The following RBL1 variants were observed in gnomAD, a reference collection of about 807,000 sequenced individuals.
The protein encoded by RBL1 is retinoblastoma-like protein 1.
In RBL1, 82 loss-of-function variants were observed where a neutral mutation model predicts 123.0. That is an observed-to-expected ratio of 0.67 (90% CI 0.56 to 0.80). The LOEUF (loss-of-function observed/expected upper bound fraction) is 0.80, where lower values mean the gene tolerates loss of function less well. Among genes scored for constraint, RBL1 ranks in the 30% least tolerant of loss-of-function variants. The pLI is 0.00. For synonymous variants in RBL1, 405 were observed against 441.3 expected, an observed-to-expected ratio of 0.92 and a Z score of 1.03; for missense variants, 1,171 against 1,299.6, an observed-to-expected ratio of 0.90 and a Z score of 1.52.
chr20:37,006,838 CA>C lies in RBL1; in HGVS notation c.2871+572del, dbSNP rs199689934. 3.9e-3 allele frequency among the ~76,000 whole-genome samples: 283 copies of C among 71,690 alleles called. 1 individual carries two copies. Among genetic ancestry groups the C allele is most frequent in the Middle Eastern group, 0.038 (5 of 130 alleles). The allele number at this position is 71,690 out of a possible 152,430, so 47.0% of individuals were successfully genotyped here. A position where few individuals can be genotyped will look rare whatever the true frequency, so the allele number is the denominator to read the frequency against. ...CCTGGGTGACAGGGTGAGACTGTCTCAAAAAAAAAAAAAAAAAGAAAACAAA... is the reference window on the plus strand; with the variant it reads ...CCTGGGTGACAGGGTGAGACTGTCTCAAAAAAAAAAAAAAAAGAAAACAAA... On this transcript the variant is annotated intron_variant, in intron 20 of 21. Transcript: ENST00000373664.
chr20:37,049,493 A>T, intron 11 of RBL1: 1 of 755,478 alleles, frequency 1.3e-6, no homozygotes, highest in Non-Finnish European at 2.4e-6. Flanking sequence ...AAGAAGTCTT[A>T]CACCACTCCC....
At chr20:37,010,389 T>C (rs988963162) in intron 19 of RBL1, among the ~76,000 whole-genome samples, 4 of 152,228 alleles carry the variant, frequency 2.6e-5, no homozygotes, top group African/African-American at 7.2e-5. Flanking sequence ...CTGTATTAAA[T>C]ATTATATATA....
At chr20:36,999,077 T>G in intron 21 of RBL1, 148 bp from the exon 22 acceptor site, 1 of 715,960 alleles carries the variant, frequency 1.4e-6, no homozygotes. Context: ...TAGAACAACC[T>G]AATAAGGGAT....
At position 36,999,552 on chromosome 20, in the gene RBL1, G is replaced by T. The variant is rs547178155; in HGVS notation, c.3037-623C>A. On this transcript the variant is annotated intron_variant, in intron 21 of 21. Coordinates refer to ENST00000373664, the MANE Select transcript of RBL1 (RefSeq NM_002895.5). ...TCCCCCTGATGCCGAGCCAAAGCTG[G>T]ACTGTACTGCTGCCATCTCGGCTCA... Among the ~76,000 whole-genome samples the T allele has an allele frequency of 3.1e-3, 467 of 150,716 alleles. 5 individuals are homozygous for T. Among genetic ancestry groups the T allele is most frequent in the African/African-American group, 0.011 (455 of 40,638 alleles).
intron 1 of RBL1, among the ~76,000 whole-genome samples, chr20:37,095,410 T>C (rs1432518949): frequency 6.6e-6 from 1 of 152,220 alleles, no homozygotes; most frequent in Non-Finnish European, 1.5e-5. Flanking sequence ...TTTAAAGCTC[T>C]GGGCAGTGAT....
chr20:37,080,823 TAAG>T (rs2065437316), intron 2 of RBL1, among the ~76,000 whole-genome samples: 2 of 152,136 alleles, frequency 1.3e-5, no homozygotes, highest in African/African-American at 4.8e-5. Context: ...TAGGGGGCAA[TAAG>T]AATAGTGAGT....
intron 16 of RBL1, among the ~76,000 whole-genome samples, chr20:37,031,790 G>A (rs541489580): frequency 6.6e-6 from 1 of 152,180 alleles, no homozygotes; most frequent in African/African-American, 2.4e-5. Flanking sequence ...CCAGGCTGGA[G>A]CGCAGTGGTG....
chr20:37,014,085 CTT>C (rs1184794374), intron 19 of RBL1, among the ~76,000 whole-genome samples: 62 of 136,202 alleles, frequency 4.6e-4, no homozygotes, highest in Admixed American at 5.2e-4. Flanking sequence ...AACTTTCTCT[CTT>C]TTTTTTTTTT....
chr20:37,051,926 T>C (rs1282424734), intron 11 of RBL1, among the ~76,000 whole-genome samples: 2 of 151,728 alleles, frequency 1.3e-5, no homozygotes, highest in Non-Finnish European at 2.9e-5. Context: ...AGATATGCCA[T>C]GCAAACATTA....
At chr20:37,087,025 T>C (rs1227573301) in intron 2 of RBL1, among the ~76,000 whole-genome samples, 1 of 152,036 alleles carries the variant, frequency 6.6e-6, no homozygotes, top group African/African-American at 2.4e-5. Context: ...AAATCCAAAA[T>C]TGGGAACCAT....
intron 9 of RBL1, among the ~76,000 whole-genome samples, chr20:37,058,944 G>A (rs1402386329): frequency 1.3e-5 from 2 of 152,058 alleles, no homozygotes; most frequent in Admixed American, 1.3e-4. Flanking sequence ...ATGTTGCTCA[G>A]GCTGGTCTTA....
At chr20:37,014,655 C>G (rs1053070674) in intron 19 of RBL1, among the ~76,000 whole-genome samples, 1 of 151,132 alleles carries the variant, frequency 6.6e-6, no homozygotes, top group Admixed American at 6.6e-5. Flanking sequence ...AAAAATTAGC[C>G]AGGACGTGGC....
intron 19 of RBL1, 86 bp from the exon 20 acceptor site, chr20:37,007,645 T>C: frequency 4.4e-6 from 6 of 1,359,720 alleles, no homozygotes; most frequent in Non-Finnish European, 6.0e-6. Context: ...CAGGGTGGAG[T>C]GCAGTGGTGC....
chr20:37,092,820 A>G (rs1376794334), intron 1 of RBL1, among the ~76,000 whole-genome samples: 1 of 152,146 alleles, frequency 6.6e-6, no homozygotes, highest in Non-Finnish European at 1.5e-5. Flanking sequence ...AAAGTCAACT[A>G]TTTTATTCCA....
intron 11 of RBL1, among the ~76,000 whole-genome samples, chr20:37,054,311 C>T (rs1012092506): frequency 1.3e-5 from 2 of 151,314 alleles, no homozygotes; most frequent in African/African-American, 4.9e-5. Context: ...AGTGAAGCCC[C>T]GTCTCTACTA....
intron 8 of RBL1, 94 bp downstream of exon 8, chr20:37,061,990 A>G: frequency 7.5e-7 from 1 of 1,334,640 alleles, no homozygotes; most frequent in Non-Finnish European, 1.0e-6. Flanking sequence ...GAAGAAGCTC[A>G]AGATTTAACT....
chr20:37,043,542 G>T (rs1600518868), intron 13 of RBL1, among the ~76,000 whole-genome samples: 1 of 151,926 alleles, frequency 6.6e-6, no homozygotes, highest in Non-Finnish European at 1.5e-5. Flanking sequence ...GGGTGTGGTG[G>T]TATGTGCCTG....
chr20:37,023,476 A>G (rs960578685), intron 16 of RBL1, among the ~76,000 whole-genome samples: 1 of 152,126 alleles, frequency 6.6e-6, no homozygotes, highest in African/African-American at 2.4e-5. Context: ...CTTTGGGTTC[A>G]GGTAAAATTG....
intron 19 of RBL1, among the ~76,000 whole-genome samples, chr20:37,008,935 A>C (rs1368442533): frequency 6.6e-6 from 1 of 152,214 alleles, no homozygotes; most frequent in Non-Finnish European, 1.5e-5. Context: ...GGCTCTGAGA[A>C]GTACTGCAGT....
Sources: gnomAD v4.1 joint callset for allele counts (sites outside exome capture counted in the v4.1 genomes callset) on GRCh38, gnomAD v4.1.1 for gene constraint, MANE v1.5 for transcripts, NCBI Gene and HGNC (gene_info 2026-07-23, HGNC 2026-07-21) for gene names.